RALGPS1: variants seen among roughly 807,000 people sequenced by gnomAD.
The protein encoded by RALGPS1 is ras-specific guanine nucleotide-releasing factor RalGPS1.
Under a neutral mutation model 78.8 loss-of-function variants are expected in RALGPS1, and 19 were observed. The ratio of observed to expected loss-of-function variants is 0.24; its 90% confidence interval spans 0.17 to 0.35. RALGPS1 has a LOEUF of 0.35. RALGPS1 is among the 10% of genes least tolerant of loss of function. The pLI, the probability that RALGPS1 is intolerant of heterozygous loss-of-function variation, is 1.00. For missense variants in RALGPS1, 454 were observed against 688.3 expected (o/e 0.66, Z 3.81); for synonymous variants, 228 against 256.3 (o/e 0.89, Z 1.06).
At chr9:126,972,478 G>A (rs745446580) in intron 3 of RALGPS1, among the ~76,000 whole-genome samples, 8 of 152,198 alleles carry the variant, frequency 5.3e-5, no homozygotes, top group Non-Finnish European at 1.2e-4. Flanking sequence ...TAACCCCAGT[G>A]AATGAAAATA....
rs150742873 is a variant in RALGPS1 at position 126,940,603 on chromosome 9, G to A, written c.-65-21622G>A. On this transcript the variant is annotated intron_variant, in intron 1 of 18. Coordinates refer to ENST00000259351, the MANE Select transcript of RALGPS1 (RefSeq NM_014636.3). ...TACAAGCCGCCCGCCACCATGCCCA[G>A]CTAATTTTTTTGTATTTGTAGTAGA... Among the ~76,000 whole-genome samples, 854 of 152,134 alleles carry A rather than the reference G, an allele frequency of 5.6e-3. 28 individuals carry two copies. The East Asian group carries it at 0.081, about 14-fold the overall frequency.
intron 8 of RALGPS1, among the ~76,000 whole-genome samples, chr9:127,074,662 G>T (rs552540979): frequency 6.6e-6 from 1 of 152,360 alleles, no homozygotes; most frequent in South Asian, 2.1e-4. Context: ...TCTGTGCCTA[G>T]CACTTTGCTA....
intron 4 of RALGPS1, among the ~76,000 whole-genome samples, chr9:127,016,362 T>G (rs2044825311): frequency 6.6e-6 from 1 of 152,176 alleles, no homozygotes. Flanking sequence ...GCTCACAGAA[T>G]GGGAGAGCTG....
At chr9:126,966,163 A>G (rs1403973895) in intron 3 of RALGPS1, among the ~76,000 whole-genome samples, 1 of 152,168 alleles carries the variant, frequency 6.6e-6, no homozygotes. Flanking sequence ...GCTGTACGCT[A>G]TATATATAAA....
At chr9:127,001,849 G>T (rs546889620) in intron 4 of RALGPS1, among the ~76,000 whole-genome samples, 1 of 152,054 alleles carries the variant, frequency 6.6e-6, no homozygotes, top group Non-Finnish European at 1.5e-5. Context: ...GTGCCATTGC[G>T]CTCCAGCCTT....
chr9:127,216,915 GCAGCTC>G, intron 18 of RALGPS1: 1 of 1,545,544 alleles, frequency 6.5e-7, no homozygotes, highest in South Asian at 1.2e-5. Flanking sequence ...GGAAGCCGGA[GCAGCTC>G]CAGGTCCAAC....
intron 4 of RALGPS1, among the ~76,000 whole-genome samples, chr9:127,010,216 C>T (rs10739688): frequency 0.17 from 26,247 of 151,972 alleles, 2,993 homozygotes; most frequent in East Asian, 0.44. Flanking sequence ...GCCTGGACAC[C>T]TGGCCAGGCT....
At chr9:126,964,634 C>CATAGCAGTATAAT (rs1564321165) in intron 2 of RALGPS1, among the ~76,000 whole-genome samples, 1 of 100,500 alleles carries the variant, frequency 1.0e-5, no homozygotes, top group East Asian at 5.8e-4. Context: ...GAGGTCTTAA[C>CATAGCAGTATAAT]CACTATGGTA....
At chr9:126,959,583 C>T (rs2038683747) in intron 1 of RALGPS1, among the ~76,000 whole-genome samples, 3 of 136,342 alleles carry the variant, frequency 2.2e-5, no homozygotes, top group Non-Finnish European at 4.9e-5. Flanking sequence ...AAAACTTTAC[C>T]TGACCAGTTC....
At chr9:127,067,676 C>T (rs1162454934) in intron 7 of RALGPS1, among the ~76,000 whole-genome samples, 4 of 152,216 alleles carry the variant, frequency 2.6e-5, no homozygotes. Context: ...TTGCACAGAG[C>T]ATCAAGGTCT....
chr9:127,007,603 A>G (rs2043959729), intron 4 of RALGPS1, among the ~76,000 whole-genome samples: 1 of 152,168 alleles, frequency 6.6e-6, no homozygotes, highest in African/African-American at 2.4e-5. Context: ...ATGAACTGGT[A>G]AAGGGGAGAA....
chr9:127,046,045 G>A (rs1016052336), intron 5 of RALGPS1, among the ~76,000 whole-genome samples: 1 of 152,166 alleles, frequency 6.6e-6, no homozygotes, highest in African/African-American at 2.4e-5. Flanking sequence ...CAATACAGGG[G>A]TTGTGTCAAA....
At chr9:127,179,207 TGTGAAG>T (rs1564730454) in intron 11 of RALGPS1, among the ~76,000 whole-genome samples, 1 of 152,196 alleles carries the variant, frequency 6.6e-6, no homozygotes, top group Admixed American at 6.5e-5. Flanking sequence ...GGAAGCAGGA[TGTGAAG>T]GTTTTCATTG....
intron 5 of RALGPS1, among the ~76,000 whole-genome samples, chr9:127,041,774 T>C (rs1309386296): frequency 6.6e-6 from 1 of 152,078 alleles, no homozygotes; most frequent in East Asian, 1.9e-4. Context: ...TTTCAAGCAA[T>C]TGAGGAGTTC....
At chr9:127,180,255 C>T (rs546311361) in intron 11 of RALGPS1, among the ~76,000 whole-genome samples, 1 of 152,356 alleles carries the variant, frequency 6.6e-6, no homozygotes, top group South Asian at 2.1e-4. Flanking sequence ...CCCGCCTCCA[C>T]GTGGCTTTAC....
At position 127,058,385 on chromosome 9, in the gene RALGPS1, A is replaced by G. The variant is rs189036138; in HGVS notation, c.483+5446A>G. ...TAATTACTGTTGCTACTGTGTGGAA[A>G]ACAAACTGGGTGGGGGATGGGGACC... On this transcript the variant is annotated intron_variant, in intron 7 of 18. Coordinates refer to ENST00000259351, the MANE Select transcript of RALGPS1 (RefSeq NM_014636.3). Among the ~76,000 whole-genome samples the G allele has an allele frequency of 1.3e-4, 20 of 152,274 alleles. No individual in the cohort carries two copies. The East Asian group carries it at 3.7e-3, about 28-fold the overall frequency.
chr9:127,098,247 A>G (rs543934399), intron 8 of RALGPS1, among the ~76,000 whole-genome samples: 1 of 152,230 alleles, frequency 6.6e-6, no homozygotes, highest in East Asian at 1.9e-4. Flanking sequence ...TGAGTTTTCA[A>G]CGTGCAGTGG....
chr9:127,194,230 G>A (rs1357151073), intron 11 of RALGPS1, among the ~76,000 whole-genome samples: 1 of 152,230 alleles, frequency 6.6e-6, no homozygotes, highest in Non-Finnish European at 1.5e-5. Context: ...TTCAGATGAG[G>A]AAACTGCAGC....
At chr9:126,966,618 T>C (rs1026329891) in intron 3 of RALGPS1, among the ~76,000 whole-genome samples, 25 of 152,162 alleles carry the variant, frequency 1.6e-4, no homozygotes, top group African/African-American at 5.5e-4. Flanking sequence ...TTCATAAATG[T>C]CTGGATCTAT....
Sources: gnomAD v4.1 joint callset for allele counts (sites outside exome capture counted in the v4.1 genomes callset) on GRCh38, gnomAD v4.1.1 for gene constraint, MANE v1.5 for transcripts, NCBI Gene and HGNC (gene_info 2026-07-23, HGNC 2026-07-21) for gene names.